The following DPH6 variants were observed in gnomAD, a reference collection of about 807,000 sequenced individuals.
DPH6 encodes the protein diphthamine biosynthesis 6.
In DPH6, 33 loss-of-function variants were observed where a neutral mutation model predicts 38.2. The ratio of observed to expected loss-of-function variants is 0.86; its 90% CI spans 0.65 to 1.15. The LOEUF is 1.15. Among genes scored for constraint, DPH6 ranks in the 50% most tolerant of loss-of-function variants. The probability of loss-of-function intolerance (pLI) is 0.00; values close to 1 mark genes in which losing one functional copy is unlikely to be tolerated. For synonymous variants in DPH6, 108 were observed against 103.0 expected, an observed-to-expected ratio of 1.05 and a Z score of -0.30; for missense variants, 325 against 320.0, an observed-to-expected ratio of 1.02 and a Z score of -0.12.
At chr15:35,419,949 T>C (rs2053483475) in intron 5 of DPH6, among the ~76,000 whole-genome samples, 1 of 152,142 alleles carries the variant, frequency 6.6e-6, no homozygotes, top group South Asian at 2.1e-4. Flanking sequence ...CTAATAGATA[T>C]TTACAGAACA....
intron 3 of DPH6, chr15:35,298,963 G>T: frequency 1.3e-6 from 1 of 771,220 alleles, no homozygotes; most frequent in Non-Finnish European, 2.4e-6. Flanking sequence ...CTCTTCTCTC[G>T]CTCCTAATCT....
At chr15:35,491,334 T>G (rs1319227979) in intron 3 of DPH6, among the ~76,000 whole-genome samples, 1 of 152,084 alleles carries the variant, frequency 6.6e-6, no homozygotes, top group African/African-American at 2.4e-5. Context: ...CAACCTGGCT[T>G]GCCCAACAAT....
At chr15:35,197,500 G>T in the DPH6 span, among the ~76,000 whole-genome samples, 1 of 152,272 alleles carries the variant, frequency 6.6e-6, no homozygotes, top group Non-Finnish European at 1.5e-5. Flanking sequence ...AGGGATATGA[G>T]TGCTATAAAA....
At chr15:35,176,430 C>G in the DPH6 span, among the ~76,000 whole-genome samples, 1 of 151,424 alleles carries the variant, frequency 6.6e-6, no homozygotes, top group Non-Finnish European at 1.5e-5. Context: ...TCATTCCCAC[C>G]TTGTCAGGGT....
intron 3 of DPH6, among the ~76,000 whole-genome samples, chr15:35,290,667 G>T (rs1160135807): frequency 6.6e-6 from 1 of 152,078 alleles, no homozygotes; most frequent in Non-Finnish European, 1.5e-5. Context: ...GTCTCATTTC[G>T]AACAACAGTA....
At chr15:35,484,358 G>C (rs897871869) in intron 3 of DPH6, among the ~76,000 whole-genome samples, 1 of 152,238 alleles carries the variant, frequency 6.6e-6, no homozygotes, top group Non-Finnish European at 1.5e-5. Flanking sequence ...TCCAAGTGCA[G>C]TGTAGCTGGA....
rs147206544 is a variant in DPH6, at chr15:35,515,567, A to C, written c.312+22707T>G. Reference sequence around the variant, plus strand: ...AAACCCCGTCTCTACTAAAAATATAAAAAATTAGCCGGGCACGGTGGCGGG... The same window carrying C: ...AAACCCCGTCTCTACTAAAAATATACAAAATTAGCCGGGCACGGTGGCGGG... On this transcript the variant is annotated intron_variant, in intron 3 of 8. Coordinates refer to ENST00000256538, the MANE Select transcript of DPH6 (RefSeq NM_080650.4). 3.1e-3 allele frequency among the ~76,000 whole-genome samples: 466 copies of C among 152,080 alleles called. 3 individuals carry two copies. In the East Asian group the frequency reaches 0.034, roughly 11 times the overall value.
downstream of DPH6, among the ~76,000 whole-genome samples, chr15:35,327,475 A>G (rs1434248081): frequency 6.6e-6 from 1 of 151,480 alleles, no homozygotes; most frequent in African/African-American, 2.4e-5. Flanking sequence ...CCTCCTGAGT[A>G]GTTGGGACCA....
At chr15:35,210,888 TATC>T in the DPH6 span, among the ~76,000 whole-genome samples, 1 of 151,364 alleles carries the variant, frequency 6.6e-6, no homozygotes, top group Non-Finnish European at 1.5e-5. Context: ...ATTTGCATCT[TATC>T]ATTTCACAGA....
chr15:35,485,566 T>A (rs1197541404), intron 3 of DPH6, among the ~76,000 whole-genome samples: 5 of 152,208 alleles, frequency 3.3e-5, no homozygotes, highest in Admixed American at 3.3e-4. Context: ...GCTGTTTGTT[T>A]CAATTATCCA....
intron 3 of DPH6, among the ~76,000 whole-genome samples, chr15:35,507,221 A>G (rs764158331): frequency 9.9e-5 from 15 of 152,106 alleles, no homozygotes; most frequent in Non-Finnish European, 2.1e-4. Context: ...GCTAAACTGA[A>G]AAAAGAAAAC....
intron 3 of DPH6, among the ~76,000 whole-genome samples, chr15:35,279,434 A>G (rs1290537581): frequency 2.6e-5 from 4 of 152,112 alleles, no homozygotes; most frequent in African/African-American, 7.2e-5. Context: ...CTCCCTCCAA[A>G]TGTCAGGTTG....
chr15:35,297,550 G>T lies in DPH6; in HGVS notation n.200+75971C>A, dbSNP rs12442254. Among the ~76,000 whole-genome samples, 4,558 of 150,994 alleles carry T rather than the reference G, an allele frequency of 0.03. 329 individuals carry two copies. The East Asian group carries it at 0.32, about 10-fold the overall frequency. ...TTCTGAGAGACCACATTTTTTTTTG[G>T]TAAGGAGATTGCCTGATCTTATTAA... On this transcript the variant is annotated intron_variant and non_coding_transcript_variant, in intron 3 of 3. Coordinates refer to the DPH6 transcript ENST00000560386.
chr15:35,165,816 G>A, the DPH6 span, among the ~76,000 whole-genome samples: 11 of 151,962 alleles, frequency 7.2e-5, no homozygotes, highest in East Asian at 1.7e-3. Context: ...ATTTCACGAC[G>A]GCAATTTGAC....
chr15:35,488,533 T>C (rs2054434561), intron 3 of DPH6, among the ~76,000 whole-genome samples: 1 of 151,976 alleles, frequency 6.6e-6, no homozygotes, highest in South Asian at 2.1e-4. Flanking sequence ...TTTTAAACCA[T>C]CAGATCTCAT....
rs1389298294 is a variant in DPH6, at chr15:35,344,713, C to CTCTG, written n.208-13640_208-13637dup. On this transcript the variant is annotated intron_variant and non_coding_transcript_variant, in intron 3 of 3. Coordinates refer to the DPH6 transcript ENST00000558973. ...AAAAAGTAGGTAACTGGACTCCATA[C>CTCTG]TCTGTCTAACTGAATAACTTTATTC... Among the ~76,000 whole-genome samples, 4 of 151,884 alleles carry CTCTG rather than the reference C, an allele frequency of 2.6e-5. No individual in the cohort carries two copies. The East Asian group carries it at 7.7e-4, about 29-fold the overall frequency.
At chr15:35,206,276 G>A in the DPH6 span, among the ~76,000 whole-genome samples, 17 of 152,214 alleles carry the variant, frequency 1.1e-4, no homozygotes, top group South Asian at 1.7e-3. Flanking sequence ...CTACACCAGC[G>A]TTAACCCTTC....
chr15:35,367,290 T>C (rs975327966), downstream of DPH6, among the ~76,000 whole-genome samples: 3 of 151,904 alleles, frequency 2.0e-5, no homozygotes, highest in Non-Finnish European at 2.9e-5. Flanking sequence ...CCTGTGAACT[T>C]TGTCTTTCTA....
the DPH6 span, among the ~76,000 whole-genome samples, chr15:35,157,712 C>T: frequency 9.9e-5 from 15 of 152,168 alleles, no homozygotes; most frequent in Admixed American, 2.6e-4. Context: ...TACTGCATTC[C>T]TACTCTTTAA....
Sources: gnomAD v4.1 joint callset for allele counts (sites outside exome capture counted in the v4.1 genomes callset) on GRCh38, gnomAD v4.1.1 for gene constraint, MANE v1.5 for transcripts, NCBI Gene and HGNC (gene_info 2026-07-23, HGNC 2026-07-21) for gene names.